KLHL7: variants seen among roughly 807,000 people sequenced by gnomAD.
KLHL7 encodes the protein kelch-like protein 7.
A neutral mutation model predicts 67.4 loss-of-function variants in KLHL7; 44 were observed. The ratio of observed to expected loss-of-function variants is 0.65; its 90% CI spans 0.51 to 0.84. The LOEUF (loss-of-function observed/expected upper bound fraction) is 0.84, where lower values mean the gene tolerates loss of function less well. KLHL7 is among the 40% of genes least tolerant of loss of function. The pLI, the probability that KLHL7 is intolerant of heterozygous loss-of-function variation, is 0.00. For missense variants in KLHL7, 362 were observed against 718.1 expected (o/e 0.50, Z 5.67); for synonymous variants, 252 against 243.3 (o/e 1.04, Z -0.33).
chr7:23,121,649 G>C (rs1783346840), intron 1 of KLHL7, among the ~76,000 whole-genome samples: 1 of 150,860 alleles, frequency 6.6e-6, no homozygotes, highest in Non-Finnish European at 1.5e-5. Context: ...TTAATAACAG[G>C]AGGGGCCTTT....
At chr7:23,149,103 A>G (rs1380036131) in intron 6 of KLHL7, among the ~76,000 whole-genome samples, 1 of 152,246 alleles carries the variant, frequency 6.6e-6, no homozygotes, top group Non-Finnish European at 1.5e-5. Flanking sequence ...TTTTACATCC[A>G]AAAGAAAATG....
chr7:23,136,606 A>G (rs1230834953), intron 4 of KLHL7, among the ~76,000 whole-genome samples: 4 of 152,242 alleles, frequency 2.6e-5, no homozygotes, highest in Non-Finnish European at 4.4e-5. Context: ...CATCAGCCAC[A>G]GAAAAGCTGG....
At chr7:23,162,942 A>G (rs1784891379) in intron 7 of KLHL7, among the ~76,000 whole-genome samples, 2 of 152,130 alleles carry the variant, frequency 1.3e-5, no homozygotes, top group Admixed American at 1.3e-4. Flanking sequence ...TTTTCTCTCA[A>G]AATGATCCAA....
rs144625383 is a variant in KLHL7 at position 23,129,606 on chromosome 7, C to G, written c.442+4434C>G. ...TACATTGAATTCAACCGTCCCCAAA[C>G]TGTGGGTATTGCTGATCTGACTGGG... On this transcript the variant is annotated intron_variant, in intron 4 of 10. Coordinates refer to ENST00000339077, the MANE Select transcript of KLHL7 (RefSeq NM_001031710.3). 1,176 of 194,800 alleles carry G rather than the reference C, an allele frequency of 6.0e-3. 18 individuals are homozygous for G. The highest frequency in any genetic ancestry group is 0.026 in the African/African-American group (1,089 of 41,942). The allele number at this position is 194,800 out of a possible 1,614,324, so 12.1% of individuals were successfully genotyped here.
At chr7:23,129,403 C>T in intron 4 of KLHL7, 1 of 388,604 alleles carries the variant, frequency 2.6e-6, no homozygotes, top group Non-Finnish European at 5.2e-6. Flanking sequence ...ACTCGGCTGG[C>T]CCTTCATGAA....
intron 1 of KLHL7, among the ~76,000 whole-genome samples, chr7:23,111,009 C>G (rs1427055619): frequency 1.3e-5 from 2 of 152,090 alleles, no homozygotes; most frequent in Non-Finnish European, 2.9e-5. Flanking sequence ...TAAGCAAACC[C>G]TGACAGTCCC....
intron 4 of KLHL7, among the ~76,000 whole-genome samples, chr7:23,136,324 G>A (rs1783974718): frequency 6.6e-6 from 1 of 152,200 alleles, no homozygotes; most frequent in African/African-American, 2.4e-5. Context: ...AGCTAAGTGA[G>A]AGAGGTAAAG....
intron 7 of KLHL7, among the ~76,000 whole-genome samples, chr7:23,164,465 T>TA (rs1784941792): frequency 1.3e-5 from 2 of 152,210 alleles, no homozygotes; most frequent in South Asian, 4.1e-4. Context: ...GGTATACAGT[T>TA]TCTCTAAGAG....
intron 7 of KLHL7, among the ~76,000 whole-genome samples, chr7:23,152,596 TAGTC>T (rs1177213014): frequency 6.6e-6 from 1 of 152,174 alleles, no homozygotes; most frequent in Non-Finnish European, 1.5e-5. Flanking sequence ...AAATAACACA[TAGTC>T]ATTCTAGAAT....
intron 3 of KLHL7, 126 bp downstream of exon 3, chr7:23,124,907 C>G (rs2058275): frequency 0.93 from 1,015,068 of 1,086,030 alleles, 474,821 homozygotes; most frequent in African/African-American, 0.99. Context: ...GGAAGAGTTT[C>G]AGTATCCTAT....
At chr7:23,163,877 T>G (rs564712686) in intron 7 of KLHL7, among the ~76,000 whole-genome samples, 3 of 152,302 alleles carry the variant, frequency 2.0e-5, no homozygotes, top group African/African-American at 7.2e-5. Flanking sequence ...CAGTAAAACT[T>G]AAGTGAATTA....
chr7:23,155,188 G>A (rs951740959), intron 7 of KLHL7, among the ~76,000 whole-genome samples: 1 of 152,152 alleles, frequency 6.6e-6, no homozygotes, highest in Non-Finnish European at 1.5e-5. Flanking sequence ...AAGACTGAGT[G>A]ACTAGCAGGT....
chr7:23,148,312 G>A (rs965793654), intron 6 of KLHL7, among the ~76,000 whole-genome samples: 1 of 151,214 alleles, frequency 6.6e-6, no homozygotes, highest in Non-Finnish European at 1.5e-5. Context: ...GAACCTAGTC[G>A]AGGTTGTCAA....
intron 4 of KLHL7, among the ~76,000 whole-genome samples, chr7:23,127,719 T>A (rs1783627214): frequency 1.3e-5 from 2 of 151,796 alleles, no homozygotes; most frequent in Non-Finnish European, 2.9e-5. Flanking sequence ...AATACAAAAA[T>A]TAGCCGAGTG....
chr7:23,168,177 G>A (rs1785057503), intron 9 of KLHL7, 140 bp downstream of exon 9: 2 of 756,404 alleles, frequency 2.6e-6, no homozygotes, highest in Non-Finnish European at 4.4e-6. Context: ...GTGTGCTAGG[G>A]TCAGTGGCAT....
chr7:23,146,667 T>TTCTTCTTCTTCTTCTTC (rs61573730), intron 6 of KLHL7, among the ~76,000 whole-genome samples: 932 of 71,586 alleles, frequency 0.013, 8 homozygotes, highest in African/African-American at 0.04. Flanking sequence ...CTTCTTCTTC[T>TTCTTCTTCTTCTTCTTC]TTTTTTTTTA....
At chr7:23,108,404 T>C (rs1234927308) in intron 1 of KLHL7, among the ~76,000 whole-genome samples, 1 of 152,204 alleles carries the variant, frequency 6.6e-6, no homozygotes, top group African/African-American at 2.4e-5. Flanking sequence ...TTCTAGCCTT[T>C]TGTTTCTAAG....
At chr7:23,109,168 A>G (rs529533966) in intron 1 of KLHL7, among the ~76,000 whole-genome samples, 1 of 152,312 alleles carries the variant, frequency 6.6e-6, no homozygotes, top group East Asian at 1.9e-4. Context: ...TGTGTGTGAG[A>G]GAGGTTTTTG....
rs1269127612 is a variant in KLHL7 at position 23,174,866 on chromosome 7, T to C, written c.*568T>C. On this transcript the variant is annotated 3_prime_UTR_variant, in exon 11 of 11. Transcript: ENST00000339077. ...ATACACACTTTCTCACAAAACTTCC[T>C]AAACAGATTTGGGGGTTTAATATGT... 1 of 454,600 alleles carries C rather than the reference T, an allele frequency of 2.2e-6. No homozygotes were observed. The highest frequency in any genetic ancestry group is 2.3e-5 in the Admixed American group (1 of 42,578). 28.2% of individuals were successfully genotyped at this position (454,600 alleles called of 1,614,324 possible).
Sources: gnomAD v4.1 joint callset for allele counts (sites outside exome capture counted in the v4.1 genomes callset) on GRCh38, gnomAD v4.1.1 for gene constraint, MANE v1.5 for transcripts, NCBI Gene and HGNC (gene_info 2026-07-23, HGNC 2026-07-21) for gene names.